The following CSDE1 variants were observed in gnomAD, a reference collection of about 807,000 sequenced individuals.
CSDE1 encodes cold shock domain-containing protein E1.
In CSDE1, 17 loss-of-function variants were observed where a neutral mutation model predicts 89.3. That is an observed-to-expected ratio of 0.19 (90% CI 0.13 to 0.29). The LOEUF is 0.29. CSDE1 is among the 10% of genes least tolerant of loss of function. The pLI is 1.00. For missense variants in CSDE1, 672 were observed against 984.2 expected, an observed-to-expected ratio of 0.68 and a Z score of 4.24; for synonymous variants, 322 against 332.8, an observed-to-expected ratio of 0.97 and a Z score of 0.35.
At chr1:114,742,669 G>A (rs924303163) in intron 2 of CSDE1, among the ~76,000 whole-genome samples, 1 of 152,196 alleles carries the variant, frequency 6.6e-6, no homozygotes, top group Admixed American at 6.5e-5. Flanking sequence ...CACATGCAAA[G>A]AGCAAGGGAA....
intron 1 of CSDE1, among the ~76,000 whole-genome samples, chr1:114,756,566 A>C (rs1222282018): frequency 1.3e-5 from 2 of 152,198 alleles, no homozygotes; most frequent in African/African-American, 2.4e-5. Flanking sequence ...TGTGGGCTAT[A>C]ATTTGAAACC....
intron 16 of CSDE1, among the ~76,000 whole-genome samples, chr1:114,721,174 C>CT (rs925611952): frequency 4.6e-5 from 7 of 151,542 alleles, no homozygotes; most frequent in African/African-American, 7.3e-5. Context: ...ACCCCACCTC[C>CT]TTTTTTTTTG....
At chr1:114,739,077 G>A (rs1328937914) in intron 3 of CSDE1, among the ~76,000 whole-genome samples, 1 of 151,948 alleles carries the variant, frequency 6.6e-6, no homozygotes, top group Non-Finnish European at 1.5e-5. Flanking sequence ...TGTCGCCCAG[G>A]CTGGAGTGCA....
rs773698366 is a variant in CSDE1, at chr1:114,736,750, G to T, written c.500+8C>A. 3.8e-6 allele frequency: 6 copies of T among 1,560,414 alleles called. No homozygotes were observed. Among genetic ancestry groups the T allele is most frequent in the Non-Finnish European group, 3.5e-6 (4 of 1,143,120 alleles). ...TTAGGTGAGAAAATTTAAAAAAAAAGAACTTACTGTTTATTGTTATCAATT... is the reference window on the plus strand; with the variant it reads ...TTAGGTGAGAAAATTTAAAAAAAAATAACTTACTGTTTATTGTTATCAATT... On this transcript the variant is annotated splice_region_variant and intron_variant, in intron 6 of 19. Transcript: ENST00000358528.
At chr1:114,740,370 G>A (rs1170089644) in intron 2 of CSDE1, among the ~76,000 whole-genome samples, 1 of 152,152 alleles carries the variant, frequency 6.6e-6, no homozygotes, top group Non-Finnish European at 1.5e-5. Context: ...CAAGTTAGTA[G>A]AGATTAACAC....
intron 1 of CSDE1, among the ~76,000 whole-genome samples, chr1:114,751,650 A>C (rs1339754210): frequency 1.4e-5 from 2 of 143,910 alleles, no homozygotes; most frequent in Non-Finnish European, 2.9e-5. Flanking sequence ...CCCAGACTAG[A>C]TATATGTCTC....
At chr1:114,720,415 A>G in intron 17 of CSDE1, 124 bp downstream of exon 17, 2 of 897,988 alleles carry the variant, frequency 2.2e-6, no homozygotes, top group Non-Finnish European at 3.3e-6. Flanking sequence ...GACTGAAAAA[A>G]GGTGAAGTAG....
rs1659257780 is a variant in CSDE1, at chr1:114,717,614, A to G, written c.*555T>C. 1 of 152,646 alleles carries G rather than the reference A, an allele frequency of 6.6e-6. No individual in the cohort carries two copies. The highest frequency in any genetic ancestry group is 2.4e-5 in the African/African-American group (1 of 41,474). The allele number at this position is 152,646 out of a possible 1,614,324, so 9.5% of individuals were successfully genotyped here. A position where few individuals can be genotyped will look rare whatever the true frequency, so the allele number is the denominator to read the frequency against. On this transcript the variant is annotated 3_prime_UTR_variant, in exon 20 of 20. Transcript: ENST00000358528. ...AAATGATATGAAAAATAACATTTTA[A>G]AATTTGGCCATCAACTTTAAGAAAT...
chr1:114,729,122 G>A (rs933528124), intron 12 of CSDE1, among the ~76,000 whole-genome samples: 11 of 151,572 alleles, frequency 7.3e-5, no homozygotes, highest in Admixed American at 2.0e-4. Context: ...TTTTGGAGAC[G>A]GAGTCTCACT....
intron 14 of CSDE1, 39 bp from the exon 15 acceptor site, chr1:114,725,372 A>G (rs1325531968): frequency 2.7e-6 from 4 of 1,465,746 alleles, no homozygotes; most frequent in Admixed American, 1.7e-5. Context: ...AAACATTACC[A>G]TAAACATCAA....
Position 114,720,732 on chromosome 1 carries a change from CA to C in CSDE1, c.1874-16del. The C allele has an allele frequency of 6.2e-7, 1 of 1,612,732 alleles. No individual in the cohort carries two copies. Among genetic ancestry groups the C allele is most frequent in the South Asian group, 1.1e-5 (1 of 90,932 alleles). ...TTTCATATCGCCTGTAAAACAGGTA[CA>C]AAGTCTAAAAGCTAGTATTTCACAA... On this transcript the variant is annotated splice_polypyrimidine_tract_variant and intron_variant, in intron 16 of 19. Coordinates refer to ENST00000358528, the MANE Select transcript of CSDE1 (RefSeq NM_001007553.3).
Position 114,724,109 on chromosome 1 carries a change from T to C in CSDE1, c.1754-107A>G, listed in dbSNP as rs113502476. 189 of 1,255,048 alleles carry C rather than the reference T, an allele frequency of 1.5e-4. No homozygotes were observed. In the African/African-American group the frequency reaches 2.3e-3, roughly 16 times the overall value. 77.7% of individuals were successfully genotyped at this position (1,255,048 alleles called of 1,614,324 possible). A position where few individuals can be genotyped will look rare whatever the true frequency, so the allele number is the denominator to read the frequency against. On this transcript the variant is annotated intron_variant, in intron 15 of 19. Transcript: ENST00000358528. Reference sequence around the variant, plus strand: ...ACAAATGTTAACAGGGTAGGTTGGCTGGCTGCTATTGAAATGGGGTAGGGA... The same window carrying C: ...ACAAATGTTAACAGGGTAGGTTGGCCGGCTGCTATTGAAATGGGGTAGGGA...
At position 114,749,963 on chromosome 1, in the gene CSDE1, T is replaced by C. The variant is rs1661220676; in HGVS notation, c.-143A>G. ...CTACCAAGCTAATAAAGAATACAAC[T>C]GCTGCTGTACCGGGCAATCTCACAG... On this transcript the variant is annotated 5_prime_UTR_variant, in exon 2 of 20. Transcript: ENST00000358528. 1 of 152,616 alleles carries C rather than the reference T, an allele frequency of 6.6e-6. No homozygotes were observed. Among genetic ancestry groups the C allele is most frequent in the East Asian group, 1.9e-4 (1 of 5,212 alleles). The allele number at this position is 152,616 out of a possible 1,614,324, so 9.5% of individuals were successfully genotyped here. A position where few individuals can be genotyped will look rare whatever the true frequency, so the allele number is the denominator to read the frequency against.
rs184032850 is a variant in CSDE1 at position 114,737,729 on chromosome 1, T to C, written c.310-166A>G. Reference sequence around the variant, plus strand: ...AAGTTTCAAACTTACAGTATGTAAATTGACTGTAAGCATTGACTCAGGGTT... The same window carrying C: ...AAGTTTCAAACTTACAGTATGTAAACTGACTGTAAGCATTGACTCAGGGTT... On this transcript the variant is annotated intron_variant, in intron 4 of 19. Coordinates refer to ENST00000358528, the MANE Select transcript of CSDE1 (RefSeq NM_001007553.3). Among the ~76,000 whole-genome samples, 172 of 152,334 alleles carry C rather than the reference T, an allele frequency of 1.1e-3. 1 individual carries two copies. Among genetic ancestry groups the C allele is most frequent in the Admixed American group, 1.2e-3 (18 of 15,302 alleles).
chr1:114,743,750 C>G (rs1570942661), intron 2 of CSDE1, among the ~76,000 whole-genome samples: 1 of 152,322 alleles, frequency 6.6e-6, no homozygotes, highest in African/African-American at 2.4e-5. Context: ...GGAATCTGGG[C>G]TCTACTGTTC....
At chr1:114,729,910 T>C (rs925396708) in intron 12 of CSDE1, among the ~76,000 whole-genome samples, 3 of 152,178 alleles carry the variant, frequency 2.0e-5, no homozygotes, top group Non-Finnish European at 2.9e-5. Flanking sequence ...TATAACTAGT[T>C]CTCTACTTGG....
At chr1:114,741,784 C>A in intron 2 of CSDE1, 1 of 761,532 alleles carries the variant, frequency 1.3e-6, no homozygotes. Context: ...AATTAGATTT[C>A]TATTGACAGG....
At chr1:114,745,887 A>G (rs1344282765) in intron 2 of CSDE1, among the ~76,000 whole-genome samples, 2 of 152,226 alleles carry the variant, frequency 1.3e-5, no homozygotes, top group Non-Finnish European at 2.9e-5. Context: ...CTGACTCTCA[A>G]GTACTTTTAA....
intron 12 of CSDE1, among the ~76,000 whole-genome samples, chr1:114,729,437 C>T (rs756208080): frequency 3.3e-5 from 5 of 151,478 alleles, no homozygotes; most frequent in Non-Finnish European, 5.9e-5. Flanking sequence ...TCAACACCCT[C>T]CCAGTCTAGC....
Sources: allele counts gnomAD v4.1 joint callset (sites outside exome capture counted in the v4.1 genomes callset), GRCh38; gene constraint gnomAD v4.1.1; transcripts MANE v1.5; gene names NCBI Gene and HGNC (gene_info 2026-07-23, HGNC 2026-07-21).